The following PSMB7 variants were observed in gnomAD, a reference collection of about 807,000 sequenced individuals.
PSMB7 encodes proteasome 20S subunit beta 7.
PSMB7 carries 5 observed loss-of-function variants against 28.1 expected under a neutral mutation model. That is an observed-to-expected ratio of 0.18 (90% confidence interval 0.09 to 0.37). PSMB7 has a LOEUF of 0.37. Ranked by LOEUF, PSMB7 falls within the 10% of genes least tolerant of loss-of-function variation. The probability of loss-of-function intolerance (pLI) is 1.00; values close to 1 mark genes in which losing one functional copy is unlikely to be tolerated. For synonymous variants in PSMB7, 122 were observed against 123.7 expected (o/e 0.99, Z 0.09); for missense variants, 275 against 346.2 (o/e 0.79, Z 1.63).
intron 5 of PSMB7, among the ~76,000 whole-genome samples, chr9:124,399,377 C>G (rs1295944358): frequency 6.6e-6 from 1 of 152,176 alleles, no homozygotes; most frequent in East Asian, 1.9e-4. Context: ...TGGGATCCTG[C>G]TTCACTCCTG....
At chr9:124,402,987 G>A (rs1228147418) in intron 5 of PSMB7, among the ~76,000 whole-genome samples, 2 of 152,036 alleles carry the variant, frequency 1.3e-5, no homozygotes, top group Admixed American at 6.6e-5. Flanking sequence ...CAACACAATG[G>A]CATAGCAAAG....
At chr9:124,414,798 G>T (rs1478306293) in intron 2 of PSMB7, 44 bp downstream of exon 2, 1 of 1,530,020 alleles carries the variant, frequency 6.5e-7, no homozygotes, top group Admixed American at 1.7e-5. Context: ...TCTGATTCCT[G>T]TTGCCGGTTC....
At chr9:124,365,099 G>A (rs1045052978) in intron 6 of PSMB7, among the ~76,000 whole-genome samples, 1 of 152,220 alleles carries the variant, frequency 6.6e-6, no homozygotes, top group Admixed American at 6.5e-5. Context: ...CAAAACTCCT[G>A]CAAAACGGCC....
intron 6 of PSMB7, among the ~76,000 whole-genome samples, chr9:124,361,027 C>T (rs1830461559): frequency 6.6e-6 from 1 of 152,180 alleles, no homozygotes. Context: ...CCAAAGAAAC[C>T]TGCTGACAAA....
In PSMB7 at chr9:124,413,894, G is replaced by A. The variant is rs190861121; in HGVS notation, c.254+14C>T. 18 of 1,543,704 alleles carry A rather than the reference G, an allele frequency of 1.2e-5. No individual in the cohort carries two copies. The highest frequency in any genetic ancestry group is 1.0e-4 in the Admixed American group (6 of 58,946). On this transcript the variant is annotated intron_variant, in intron 3 of 7. Coordinates refer to ENST00000259457, the MANE Select transcript of PSMB7 (RefSeq NM_002799.4). ...TTGAAAATATAAGAGTTATTCAAACGAATCAATACTTACTAAATATTAGGA... is the reference window on the plus strand; with the variant it reads ...TTGAAAATATAAGAGTTATTCAAACAAATCAATACTTACTAAATATTAGGA...
chr9:124,410,645 C>T (rs1157880509), intron 4 of PSMB7, among the ~76,000 whole-genome samples: 1 of 152,180 alleles, frequency 6.6e-6, no homozygotes, highest in African/African-American at 2.4e-5. Flanking sequence ...AATAATGATA[C>T]GTACACAAAC....
chr9:124,378,359 A>G (rs571453052), intron 6 of PSMB7, among the ~76,000 whole-genome samples: 1 of 152,336 alleles, frequency 6.6e-6, no homozygotes, highest in East Asian at 1.9e-4. Flanking sequence ...TCAATAGTAC[A>G]GAATATGTAT....
At chr9:124,409,674 T>C (rs958011948) in intron 4 of PSMB7, among the ~76,000 whole-genome samples, 1 of 152,240 alleles carries the variant, frequency 6.6e-6, no homozygotes, top group Admixed American at 6.5e-5. Context: ...CTCTGTAGTA[T>C]GCAAGGTCAG....
rs149735203 is a variant in PSMB7, at chr9:124,412,148, T to C, written c.395+204A>G. 2.7e-3 allele frequency among the ~76,000 whole-genome samples: 407 copies of C among 152,338 alleles called. 1 individual carries two copies. The highest frequency in any genetic ancestry group is 9.7e-3 in the African/African-American group (404 of 41,586). On this transcript the variant is annotated intron_variant, in intron 4 of 7. Coordinates refer to ENST00000259457, the MANE Select transcript of PSMB7 (RefSeq NM_002799.4). ...ATGACTCAACTGGTGACATGTGATT[T>C]ACTCATGAAAAAAATCAGGCCCCAG...
chr9:124,357,762 A>G (rs188743659), intron 6 of PSMB7, among the ~76,000 whole-genome samples: 28 of 152,270 alleles, frequency 1.8e-4, no homozygotes, highest in Non-Finnish European at 3.1e-4. Flanking sequence ...ACGCCCCCAG[A>G]TCCCTGCCCC....
Position 124,384,671 on chromosome 9 carries a change from T to G in PSMB7, c.512-15A>C, listed in dbSNP as rs1340127416. 1 of 1,612,970 alleles carries G rather than the reference T, an allele frequency of 6.2e-7. No homozygotes were observed. The highest frequency in any genetic ancestry group is 8.5e-7 in the Non-Finnish European group (1 of 1,179,518). On this transcript the variant is annotated splice_polypyrimidine_tract_variant and intron_variant, in intron 5 of 7. Transcript: ENST00000259457. The stretch of plus-strand genomic sequence containing the variant: ...GGAGCCAGAACCTGCAAGAAAAAGG[T>G]GCACTTTTAGTGTATTTTATGATAT...
intron 6 of PSMB7, among the ~76,000 whole-genome samples, chr9:124,368,075 G>A (rs561571786): frequency 6.6e-6 from 1 of 152,334 alleles, no homozygotes; most frequent in African/African-American, 2.4e-5. Flanking sequence ...TCGGTGAGAA[G>A]TGTAAGTACC....
At chr9:124,355,306 T>C (rs1434273735) in intron 7 of PSMB7, among the ~76,000 whole-genome samples, 2 of 152,206 alleles carry the variant, frequency 1.3e-5, no homozygotes, top group East Asian at 1.9e-4. Flanking sequence ...CTTGGGTGTT[T>C]AGAGCCTCTG....
Position 124,403,337 on chromosome 9 carries a change from C to A in PSMB7, c.511+1980G>T, listed in dbSNP as rs530119480. Among the ~76,000 whole-genome samples, 9 of 151,870 alleles carry A rather than the reference C, an allele frequency of 5.9e-5. No homozygotes were observed. The East Asian group carries it at 1.5e-3, about 26-fold the overall frequency. On this transcript the variant is annotated intron_variant, in intron 5 of 7. Transcript: ENST00000259457. ...CCCAGGAGTTCGAGACCAACCTGGG[C>A]AACATGGCAAAATCCCATCTCTACA...
chr9:124,375,227 C>A (rs1397910748), intron 6 of PSMB7, among the ~76,000 whole-genome samples: 4 of 152,140 alleles, frequency 2.6e-5, no homozygotes, highest in African/African-American at 7.2e-5. Flanking sequence ...TGCAATGGCA[C>A]AACTCACTGC....
intron 4 of PSMB7, 55 bp from the exon 5 acceptor site, chr9:124,405,487 T>G: frequency 1.6e-6 from 2 of 1,243,340 alleles, no homozygotes; most frequent in South Asian, 2.5e-5. Context: ...AGCATCACTG[T>G]AACTTAGCCA....
chr9:124,412,558 G>A, intron 3 of PSMB7, 66 bp from the exon 4 acceptor site: 9 of 1,547,938 alleles, frequency 5.8e-6, no homozygotes, highest in East Asian at 2.3e-5. Flanking sequence ...GAAGTAATGG[G>A]TTCTTGGATA....
rs183357466 is a variant in PSMB7 at position 124,360,144 on chromosome 9, T to G, written c.571-3229A>C. On this transcript the variant is annotated intron_variant, in intron 6 of 7. Transcript: ENST00000259457. ...CTACTGGGCATATTCATACTGTGTT[T>G]TCTTTATAGTGGAATTTCACAATTA... is the stretch of plus-strand genomic sequence containing the variant. Among the ~76,000 whole-genome samples the G allele has an allele frequency of 2.3e-3, 346 of 152,374 alleles. 2 individuals carry two copies. The highest frequency in any genetic ancestry group is 3.5e-3 in the Non-Finnish European group (236 of 68,028).
intron 6 of PSMB7, among the ~76,000 whole-genome samples, chr9:124,373,617 GT>G (rs1339429946): frequency 6.6e-6 from 1 of 152,094 alleles, no homozygotes; most frequent in East Asian, 1.9e-4. Context: ...CCATCTAAAC[GT>G]TTCCATAGTT....
Sources: gnomAD v4.1 joint callset for allele counts (sites outside exome capture counted in the v4.1 genomes callset) on GRCh38, gnomAD v4.1.1 for gene constraint, MANE v1.5 for transcripts, NCBI Gene and HGNC (gene_info 2026-07-23, HGNC 2026-07-21) for gene names.